Variants in C11orf16 observed in about 807,000 individuals in gnomAD.
C11orf16 encodes uncharacterized protein C11orf16.
A neutral mutation model predicts 45.1 loss-of-function variants in C11orf16; 38 were observed. The ratio of observed to expected loss-of-function variants is 0.84; its 90% CI spans 0.65 to 1.10. C11orf16 has a LOEUF of 1.10. Ranked by LOEUF, C11orf16 falls within the 50% of genes least tolerant of loss-of-function variation. C11orf16 has a pLI of 0.00. For synonymous variants in C11orf16, 221 were observed against 222.0 expected, an observed-to-expected ratio of 1.00 and a Z score of 0.04; for missense variants, 583 against 569.5, an observed-to-expected ratio of 1.02 and a Z score of -0.24.
chr11:8,920,889 T>C (rs552406318), intron 6 of C11orf16, among the ~76,000 whole-genome samples: 1 of 152,290 alleles, frequency 6.6e-6, no homozygotes, highest in African/African-American at 2.4e-5. Context: ...AACTGTGACA[T>C]CTCCCAGTTT....
At position 8,927,546 on chromosome 11, in the gene C11orf16, C is replaced by T. The variant is rs1445145589; in HGVS notation, c.325-372G>A. On this transcript the variant is annotated intron_variant, in intron 3 of 6. Transcript: ENST00000326053. Reference sequence around the variant, plus strand: ...TTTTCTCAATGCAATCTCCTCCTTCCAGCACCCCCAAGAAGCGTCGCTCCT... The same window carrying T: ...TTTTCTCAATGCAATCTCCTCCTTCTAGCACCCCCAAGAAGCGTCGCTCCT... 4 of 455,544 alleles carry T rather than the reference C, an allele frequency of 8.8e-6. No individual in the cohort carries two copies. The Admixed American group carries it at 9.6e-5, about 11-fold the overall frequency. 28.2% of individuals were successfully genotyped at this position (455,544 alleles called of 1,614,324 possible). A position where few individuals can be genotyped will look rare whatever the true frequency, so the allele number is the denominator to read the frequency against.
rs2064573968 is a variant in C11orf16, at chr11:8,921,528, G to A, written c.1205-13C>T. The stretch of plus-strand genomic sequence containing the variant: ...GAATATCTTGTTCCTAAACCCAAAA[G>A]TCAATTACTTAGGTTGAATATGCCA... On this transcript the variant is annotated splice_polypyrimidine_tract_variant and intron_variant, in intron 5 of 6. Coordinates refer to ENST00000326053, the MANE Select transcript of C11orf16 (RefSeq NM_020643.3). 4 of 1,613,228 alleles carry A rather than the reference G, an allele frequency of 2.5e-6. No homozygotes were observed. The highest frequency in any genetic ancestry group is 1.7e-5 in the Admixed American group (1 of 60,012).
At position 8,927,179 on chromosome 11, in the gene C11orf16, G is replaced by A. The variant is rs371414598; in HGVS notation, c.325-5C>T. 2.2e-4 allele frequency: 356 copies of A among 1,609,556 alleles called. 2 individuals are homozygous for A. Among genetic ancestry groups the A allele is most frequent in the Non-Finnish European group, 4.3e-5 (51 of 1,176,908 alleles). On this transcript the variant is annotated splice_polypyrimidine_tract_variant and splice_region_variant and intron_variant, in intron 3 of 6. Coordinates refer to ENST00000326053, the MANE Select transcript of C11orf16 (RefSeq NM_020643.3). ...CAGGACCCCCTGTCTCTCCAGCTGT[G>A]GGAAAGAAAACACTCAGAATAAGAC...
chr11:8,929,526 AGGCATGCCTG>A lies in C11orf16; in HGVS notation c.168-3_174del. 6.2e-7 allele frequency: 1 copy of A among 1,611,648 alleles called. No individual in the cohort carries two copies. Among genetic ancestry groups the A allele is most frequent in the Non-Finnish European group, 8.5e-7 (1 of 1,179,228 alleles). On this transcript the variant is annotated splice_acceptor_variant and splice_polypyrimidine_tract_variant and coding_sequence_variant and intron_variant, in exon 3 of 7. Transcript: ENST00000326053. LOFTEE classifies it high-confidence loss of function. ...GCAACGTGGAGACATGGGCAAGAAG[AGGCATGCCTG>A]GAAAAAAGCAAATGGAATTAGTGGA... is the stretch of plus-strand genomic sequence containing the variant.
chr11:8,927,454 G>A (rs373319456), intron 3 of C11orf16: 2 of 488,922 alleles, frequency 4.1e-6, no homozygotes, highest in Non-Finnish European at 3.8e-6. Flanking sequence ...CCTTTGCCTG[G>A]TTTTCTTTCC....
In C11orf16 at chr11:8,932,208, T is replaced by C; in HGVS notation, c.101A>G (p.Asp34Gly). Reference protein sequence around the residue: ...PGWDGAAPPWDLSFTYPFALQ... With the variant: ...PGWDGAAPPWGLSFTYPFALQ... ...GGCAAAGGGGTAGGTGAAGGAGAGG[T>C]CCCAAGGTGGAGCAGCACCGTCCCA... The change falls in exon 2 of 7, where the codon GAC becomes GGC. Residue 34 changes from aspartate to glycine, a missense_variant. Physicochemically the swap from Asp to Gly is moderately conservative, Grantham distance 94 (BLOSUM62 -1). Coordinates refer to ENST00000326053, the MANE Select transcript of C11orf16 (RefSeq NM_020643.3). The C allele has an allele frequency of 6.3e-7, 1 of 1,598,840 alleles. No homozygotes were observed. Among genetic ancestry groups the C allele is most frequent in the African/African-American group, 1.3e-5 (1 of 74,746 alleles).
intron 5 of C11orf16, among the ~76,000 whole-genome samples, chr11:8,923,564 A>G (rs999536505): frequency 3.3e-5 from 5 of 152,224 alleles, no homozygotes; most frequent in African/African-American, 1.2e-4. Flanking sequence ...TTTTCATGCT[A>G]AATTCTCCAT....
At chr11:8,930,947 C>T (rs2064645771) in intron 2 of C11orf16, among the ~76,000 whole-genome samples, 3 of 152,098 alleles carry the variant, frequency 2.0e-5, no homozygotes, top group African/African-American at 7.2e-5. Context: ...GAAAGGGAGC[C>T]ATTAAGGATC....
chr11:8,930,368 G>A (rs1243907071), intron 2 of C11orf16, among the ~76,000 whole-genome samples: 2 of 140,572 alleles, frequency 1.4e-5, no homozygotes, highest in Non-Finnish European at 3.0e-5. Flanking sequence ...GGAGGTTGCA[G>A]TGAGCCAAGA....
At chr11:8,926,173 T>C in intron 4 of C11orf16, 66 bp from the exon 5 acceptor site, 1 of 1,355,020 alleles carries the variant, frequency 7.4e-7, no homozygotes, top group South Asian at 1.5e-5. Context: ...TTCTTTTTTC[T>C]TTTTTTCTTT....
rs746715459 is a variant in C11orf16 at position 8,920,396 on chromosome 11, C to T, written c.*77G>A. 3 of 659,866 alleles carry T rather than the reference C, an allele frequency of 4.5e-6. No homozygotes were observed. The highest frequency in any genetic ancestry group is 3.7e-5 in the African/African-American group (2 of 54,676). 40.9% of individuals were successfully genotyped at this position (659,866 alleles called of 1,614,324 possible). The stretch of plus-strand genomic sequence containing the variant: ...TCTGCCTCCTTCCGTTGAAGAAGGC[C>T]TTGTCAGCCACTCTGTATAACTCTC... On this transcript the variant is annotated 3_prime_UTR_variant, in exon 7 of 7. Transcript: ENST00000326053.
At chr11:8,929,240 A>T in intron 3 of C11orf16, 137 bp downstream of exon 3, 1 of 883,900 alleles carries the variant, frequency 1.1e-6, no homozygotes, top group Non-Finnish European at 1.7e-6. Context: ...TTACATGTTC[A>T]CTTCTACAAC....
In C11orf16 at chr11:8,925,493, T is replaced by C; in HGVS notation, c.1174A>G (p.Asn392Asp). 1.2e-6 allele frequency: 2 copies of C among 1,614,128 alleles called. No homozygotes were observed. The highest frequency in any genetic ancestry group is 1.7e-6 in the Non-Finnish European group (2 of 1,180,000). Residue 392 changes from asparagine to aspartate, a missense_variant, in exon 5 of 7, where the codon AAC becomes GAC. Coordinates refer to ENST00000326053, the MANE Select transcript of C11orf16 (RefSeq NM_020643.3). ...CQPEWRYWKR[N>D]GPEPCLGKPG... Reference sequence around the variant, plus strand: ...TTCCCAAGGCATGGCTCAGGCCCGTTTCTCTTCCAATACCTCCACTCAGGC... The same window carrying C: ...TTCCCAAGGCATGGCTCAGGCCCGTCTCTCTTCCAATACCTCCACTCAGGC...
At chr11:8,920,772 G>C (rs1034417448) in intron 6 of C11orf16, among the ~76,000 whole-genome samples, 1 of 152,178 alleles carries the variant, frequency 6.6e-6, no homozygotes, top group Non-Finnish European at 1.5e-5. Context: ...AGGCTGTAGT[G>C]AGCCATGATT....
Position 8,929,643 on chromosome 11 carries a change from G to A in C11orf16, c.168-110C>T, listed in dbSNP as rs1023785835. Reference sequence around the variant, plus strand: ...GTACACCACAGCACATGAGGCATGCGGAACAGAAATCCATATGGAAAGTGG... The same window carrying A: ...GTACACCACAGCACATGAGGCATGCAGAACAGAAATCCATATGGAAAGTGG... On this transcript the variant is annotated intron_variant, in intron 2 of 6. Coordinates refer to ENST00000326053, the MANE Select transcript of C11orf16 (RefSeq NM_020643.3). 9.4e-5 allele frequency: 99 copies of A among 1,047,684 alleles called. No individual in the cohort carries two copies. The African/African-American group carries it at 9.8e-4, about 10-fold the overall frequency. 64.9% of individuals were successfully genotyped at this position (1,047,684 alleles called of 1,614,324 possible).
At chr11:8,923,038 CG>C (rs538633150) in intron 5 of C11orf16, among the ~76,000 whole-genome samples, 28 of 152,294 alleles carry the variant, frequency 1.8e-4, no homozygotes, top group African/African-American at 6.5e-4. Context: ...CAGGAAAGCC[CG>C]GCCAAGTACC....
rs1566112980 is a variant in C11orf16 at position 8,927,111 on chromosome 11, G to T, written c.388C>A (p.Pro130Thr). 6.2e-7 allele frequency: 1 copy of T among 1,614,140 alleles called. No individual in the cohort carries two copies. Among genetic ancestry groups the T allele is most frequent in the East Asian group, 2.2e-5 (1 of 44,880 alleles). The stretch of plus-strand genomic sequence containing the variant: ...AAGACCACTCTCTGCTGCTGGGCTG[G>T]CAGCTTTGGGCCTGCGACAAGAGGA... ...EAPLVAGPKL[P>T]AQQQRVVLEE... The change falls in exon 4 of 7, where the codon CCA becomes ACA. Residue 130 changes from proline (P) to threonine (T), a missense_variant. Transcript: ENST00000326053.
chr11:8,921,252 G>A, intron 6 of C11orf16, 42 bp downstream of exon 6: 2 of 1,523,478 alleles, frequency 1.3e-6, no homozygotes, highest in South Asian at 1.1e-5. Context: ...AGACCCATGT[G>A]AGGAGTCCTT....
intron 2 of C11orf16, among the ~76,000 whole-genome samples, chr11:8,931,414 A>T (rs2064649158): frequency 6.6e-6 from 1 of 151,414 alleles, no homozygotes; most frequent in South Asian, 2.1e-4. Flanking sequence ...TTTGAGACAG[A>T]GTCTCACTCT....
Sources: allele counts gnomAD v4.1 joint callset (sites outside exome capture counted in the v4.1 genomes callset), GRCh38; gene constraint gnomAD v4.1.1; transcripts MANE v1.5; gene names NCBI Gene and HGNC (gene_info 2026-07-23, HGNC 2026-07-21).